Variants in PTPRD observed in about 807,000 individuals in gnomAD.
The protein encoded by PTPRD is protein tyrosine phosphatase receptor type D, also known as receptor-type tyrosine-protein phosphatase delta.
Under a neutral mutation model 214.5 loss-of-function variants are expected in PTPRD, and 34 were observed. That is an observed-to-expected ratio of 0.16 (90% CI 0.12 to 0.21). The LOEUF is 0.21. Among genes scored for constraint, PTPRD ranks in the 10% least tolerant of loss-of-function variants. The probability of loss-of-function intolerance (pLI) is 1.00; values close to 1 mark genes in which losing one functional copy is unlikely to be tolerated. For missense variants in PTPRD, 2,545 were observed against 2,398.7 expected, an observed-to-expected ratio of 1.06 and a Z score of -1.27; for synonymous variants, 1,128 against 845.7, an observed-to-expected ratio of 1.33 and a Z score of -5.79.
chr9:8,879,328 G>A (rs1045692858), intron 11 of PTPRD, among the ~76,000 whole-genome samples: 1 of 152,168 alleles, frequency 6.6e-6, no homozygotes, highest in Non-Finnish European at 1.5e-5. Flanking sequence ...GGTCAGTAAT[G>A]AGTACTGACC....
intron 9 of PTPRD, among the ~76,000 whole-genome samples, chr9:9,323,675 C>T (rs754906901): frequency 1.3e-5 from 2 of 152,022 alleles, no homozygotes; most frequent in Non-Finnish European, 2.9e-5. Context: ...TTAGGCAGTT[C>T]CATATGCATT....
intron 3 of PTPRD, among the ~76,000 whole-genome samples, chr9:10,282,502 A>C (rs1045323759): frequency 1.3e-5 from 2 of 152,088 alleles, no homozygotes; most frequent in African/African-American, 4.8e-5. Context: ...TTATTATTCT[A>C]TTATATTCTA....
At chr9:10,078,252 C>T (rs983691244) in intron 3 of PTPRD, among the ~76,000 whole-genome samples, 1 of 151,040 alleles carries the variant, frequency 6.6e-6, no homozygotes, top group Admixed American at 6.6e-5. Flanking sequence ...GTGGCTTACG[C>T]ATGTAATCCC....
chr9:9,425,105 G>A (rs1439545710), intron 8 of PTPRD, among the ~76,000 whole-genome samples: 2 of 152,026 alleles, frequency 1.3e-5, no homozygotes, highest in Admixed American at 1.3e-4. Context: ...GGGCTAGACT[G>A]TCTAATCATG....
chr9:9,306,841 T>C (rs900561065), intron 9 of PTPRD, among the ~76,000 whole-genome samples: 1 of 152,166 alleles, frequency 6.6e-6, no homozygotes, highest in Non-Finnish European at 1.5e-5. Flanking sequence ...TCCAAATCGT[T>C]AGCAAGATTT....
intron 2 of PTPRD, among the ~76,000 whole-genome samples, chr9:10,531,754 G>T (rs558336679): frequency 3.5e-4 from 53 of 152,176 alleles, no homozygotes; most frequent in Non-Finnish European, 6.8e-4. Flanking sequence ...GTTTCTCCAT[G>T]ACAAAAATCA....
intron 15 of PTPRD, 78 bp downstream of exon 15, chr9:8,528,512 TA>T (rs2074827790): frequency 2.4e-6 from 3 of 1,246,124 alleles, no homozygotes; most frequent in Non-Finnish European, 3.4e-6. Context: ...AAAAATAAAT[TA>T]AAATTAAAAA....
rs184245830 is a variant in PTPRD at position 8,511,433 on chromosome 9, T to G, written c.1544-3999A>C. Among the ~76,000 whole-genome samples the G allele has an allele frequency of 9.4e-5, 14 of 148,956 alleles. No homozygotes were observed. In the East Asian group the frequency reaches 2.7e-3, roughly 29 times the overall value. On this transcript the variant is annotated intron_variant, in intron 21 of 45. Transcript: ENST00000381196. ...ACACATCACGGTTTCTCACTGGTAT[T>G]TTTTTTTTTAACCTTCACTTACCAG... is the stretch of plus-strand genomic sequence containing the variant.
At chr9:9,332,587 A>G (rs1156408371) in intron 9 of PTPRD, among the ~76,000 whole-genome samples, 1 of 151,762 alleles carries the variant, frequency 6.6e-6, no homozygotes, top group Non-Finnish European at 1.5e-5. Context: ...AAAAAAAAAA[A>G]AAAACCTCTA....
intron 35 of PTPRD, among the ~76,000 whole-genome samples, chr9:8,420,751 T>C (rs2094299203): frequency 6.6e-6 from 1 of 151,746 alleles, no homozygotes; most frequent in African/African-American, 2.4e-5. Flanking sequence ...GAAAGACAGC[T>C]CCCTTTGCCC....
chr9:8,518,692 C>A (rs903144585), intron 20 of PTPRD, among the ~76,000 whole-genome samples: 1 of 152,146 alleles, frequency 6.6e-6, no homozygotes, highest in Non-Finnish European at 1.5e-5. Flanking sequence ...GCTAAGTGAT[C>A]CTGCACGCAT....
At chr9:8,638,109 T>C (rs2096487471) in intron 12 of PTPRD, among the ~76,000 whole-genome samples, 1 of 151,670 alleles carries the variant, frequency 6.6e-6, no homozygotes, top group African/African-American at 2.4e-5. Flanking sequence ...CCTTCTTTTT[T>C]TTTTTTTTTT....
chr9:8,658,447 T>C (rs954885259), intron 12 of PTPRD, among the ~76,000 whole-genome samples: 14 of 152,292 alleles, frequency 9.2e-5, no homozygotes, highest in Non-Finnish European at 1.3e-4. Flanking sequence ...AAAGGACATA[T>C]TGAGAGCTTC....
intron 26 of PTPRD, among the ~76,000 whole-genome samples, chr9:8,495,734 T>C (rs2097250515): frequency 6.6e-6 from 1 of 152,188 alleles, no homozygotes; most frequent in African/African-American, 2.4e-5. Flanking sequence ...TTACTGTGAG[T>C]TATAGTCAAA....
chr9:8,947,334 G>T (rs935899813), intron 11 of PTPRD, among the ~76,000 whole-genome samples: 3 of 151,480 alleles, frequency 2.0e-5, no homozygotes, highest in African/African-American at 7.3e-5. Context: ...ATAGTGGTGT[G>T]CACCTGTAGT....
At chr9:9,088,558 C>A (rs1261993344) in intron 10 of PTPRD, among the ~76,000 whole-genome samples, 1 of 114,292 alleles carries the variant, frequency 8.7e-6, no homozygotes, top group Non-Finnish European at 1.6e-5. Flanking sequence ...CCAGCCTGGG[C>A]GACAGAGTGA....
intron 3 of PTPRD, among the ~76,000 whole-genome samples, chr9:10,278,722 A>G (rs10738159): frequency 0.65 from 98,768 of 151,896 alleles, 33,628 homozygotes; most frequent in Non-Finnish European, 0.75. Context: ...AAGTTTGAAT[A>G]TATATAAACT....
chr9:10,528,705 A>G (rs534101926), intron 2 of PTPRD, among the ~76,000 whole-genome samples: 86 of 152,318 alleles, frequency 5.6e-4, no homozygotes, highest in African/African-American at 2.0e-3. Flanking sequence ...ACATTGGTAT[A>G]TAGCTTGCTT....
At chr9:9,616,869 C>T (rs2094902549) in intron 7 of PTPRD, among the ~76,000 whole-genome samples, 1 of 152,126 alleles carries the variant, frequency 6.6e-6, no homozygotes, top group African/African-American at 2.4e-5. Flanking sequence ...GCACTATGGT[C>T]TGAGAGACTG....
Sources: gnomAD v4.1 joint callset for allele counts (sites outside exome capture counted in the v4.1 genomes callset) on GRCh38, gnomAD v4.1.1 for gene constraint, MANE v1.5 for transcripts, NCBI Gene and HGNC (gene_info 2026-07-23, HGNC 2026-07-21) for gene names.